Variants in PRKG1 observed in about 807,000 individuals in gnomAD.
PRKG1 encodes cGMP-dependent protein kinase 1.
In PRKG1, 35 loss-of-function variants were observed where a neutral mutation model predicts 88.1. The ratio of observed to expected loss-of-function variants is 0.40; its 90% confidence interval spans 0.30 to 0.53. The LOEUF is 0.53. Among genes scored for constraint, PRKG1 ranks in the 20% least tolerant of loss-of-function variants. The pLI is 0.59. For missense variants in PRKG1, 540 were observed against 839.8 expected (o/e 0.64, Z 4.41); for synonymous variants, 303 against 292.5 (o/e 1.04, Z -0.37).
At chr10:51,949,170 A>G (rs914403136) in intron 5 of PRKG1, among the ~76,000 whole-genome samples, 5 of 152,184 alleles carry the variant, frequency 3.3e-5, no homozygotes, top group Non-Finnish European at 7.3e-5. Flanking sequence ...AACACTTAAG[A>G]AATATTTAAC....
At chr10:52,078,690 C>A (rs1176181021) in intron 7 of PRKG1, among the ~76,000 whole-genome samples, 1 of 152,218 alleles carries the variant, frequency 6.6e-6, no homozygotes, top group Non-Finnish European at 1.5e-5. Context: ...TCACTAGCAA[C>A]AACAATTTCA....
chr10:52,192,802 CTTATA>C (rs1337786332), intron 9 of PRKG1, among the ~76,000 whole-genome samples: 1 of 151,904 alleles, frequency 6.6e-6, no homozygotes, highest in Non-Finnish European at 1.5e-5. Context: ...AAATTCCTTT[CTTATA>C]TTAGAATTTA....
intron 2 of PRKG1, among the ~76,000 whole-genome samples, chr10:51,415,910 AGTGTGT>A (rs71459419): frequency 9.2e-4 from 136 of 147,224 alleles, no homozygotes; most frequent in Middle Eastern, 3.5e-3. Flanking sequence ...TAGAGCTTCC[AGTGTGT>A]GTGTGTGTGT....
intron 5 of PRKG1, among the ~76,000 whole-genome samples, chr10:51,989,123 G>A (rs1213548188): frequency 1.3e-5 from 2 of 152,084 alleles, no homozygotes; most frequent in Non-Finnish European, 2.9e-5. Flanking sequence ...TGAAGATGCA[G>A]AGGTGAGAGA....
chr10:51,099,202 T>A (rs149455668), intron 1 of PRKG1, among the ~76,000 whole-genome samples: 137 of 152,190 alleles, frequency 9.0e-4, no homozygotes, highest in African/African-American at 3.1e-3. Context: ...TATAGTAGCC[T>A]CATACCAACA....
At chr10:51,823,240 G>A (rs1040764474) in intron 4 of PRKG1, among the ~76,000 whole-genome samples, 1 of 151,948 alleles carries the variant, frequency 6.6e-6, no homozygotes, top group Admixed American at 6.6e-5. Context: ...TAAAATGAGG[G>A]CAGATAAACA....
chr10:52,105,456 A>G (rs778479770), intron 7 of PRKG1, among the ~76,000 whole-genome samples: 1 of 152,184 alleles, frequency 6.6e-6, no homozygotes, highest in Non-Finnish European at 1.5e-5. Flanking sequence ...TTAAGGCATC[A>G]TGTTGCTAAA....
chr10:52,172,955 A>G (rs1002746139), intron 9 of PRKG1, among the ~76,000 whole-genome samples: 2 of 152,216 alleles, frequency 1.3e-5, no homozygotes, highest in Non-Finnish European at 2.9e-5. Flanking sequence ...CAATCTTGAA[A>G]TCCTTTCTAA....
Position 52,251,593 on chromosome 10 carries a change from T to C in PRKG1, c.1100T>C (p.Phe367Ser). The C allele has an allele frequency of 1.2e-6, 2 of 1,613,638 alleles. No individual in the cohort carries two copies. Among genetic ancestry groups the C allele is most frequent in the Non-Finnish European group, 1.7e-6 (2 of 1,179,646 alleles). ...AGATATGAAGCTGAAGCGGCTTTCT[T>C]CGCCAACCTGAAGCTGTCTGATTTC... ...KAKYEAEAAF[F>S]ANLKLSDFNI... is the part of the protein sequence containing the mutation. The change falls in exon 10 of 18, where the codon TTC becomes TCC. Residue 367 changes from phenylalanine to serine, a missense_variant. Around this residue, in one of 5 missense-constraint regions of PRKG1, gnomAD observed 400 missense variants for 562.7 expected, o/e 0.71. Coordinates refer to ENST00000373980, the MANE Select transcript of PRKG1 (RefSeq NM_006258.4).
At chr10:52,179,914 C>T (rs1172785822) in intron 9 of PRKG1, among the ~76,000 whole-genome samples, 1 of 152,158 alleles carries the variant, frequency 6.6e-6, no homozygotes, top group African/African-American at 2.4e-5. Flanking sequence ...GTCTCAAACT[C>T]CTGATTTCGT....
chr10:51,851,497 G>C (rs1033904682), intron 4 of PRKG1, among the ~76,000 whole-genome samples: 1 of 152,188 alleles, frequency 6.6e-6, no homozygotes. Context: ...GCTTCCCTAT[G>C]GGGAAGTAGG....
At chr10:51,825,861 C>T (rs1839869414) in intron 4 of PRKG1, among the ~76,000 whole-genome samples, 2 of 152,076 alleles carry the variant, frequency 1.3e-5, no homozygotes, top group South Asian at 2.1e-4. Flanking sequence ...CCGTCTCATC[C>T]CTAAAATCTC....
At chr10:51,153,033 A>G (rs921866642) in intron 1 of PRKG1, 131 bp from the exon 2 acceptor site, 2 of 586,854 alleles carry the variant, frequency 3.4e-6, no homozygotes, top group Non-Finnish European at 5.1e-6. Flanking sequence ...CCAGTCTTCC[A>G]GAAAATTATT....
rs535606737 is a variant in PRKG1 at position 51,007,001 on chromosome 10, C to G, written c.266+15357C>G. 2.1e-5 allele frequency among the ~76,000 whole-genome samples: 3 copies of G among 143,426 alleles called. No individual in the cohort carries two copies. The South Asian group carries it at 6.6e-4, about 31-fold the overall frequency. The allele number at this position is 143,426 out of a possible 152,430, so 94.1% of individuals were successfully genotyped here. On this transcript the variant is annotated intron_variant, in intron 1 of 17. Coordinates refer to the PRKG1 transcript ENST00000401604. ...TCACCCAGGCTGGAGTGCAGTGGTA[C>G]GATCTCAGCTCACTGCAACTTCTGC...
At chr10:51,249,818 G>T (rs1839384260) in intron 2 of PRKG1, among the ~76,000 whole-genome samples, 1 of 151,802 alleles carries the variant, frequency 6.6e-6, no homozygotes, top group Non-Finnish European at 1.5e-5. Context: ...CTATCATTGT[G>T]AAGTGTGCAT....
chr10:51,405,994 G>A (rs771981189), intron 2 of PRKG1, among the ~76,000 whole-genome samples: 2 of 152,150 alleles, frequency 1.3e-5, no homozygotes, highest in Non-Finnish European at 2.9e-5. Flanking sequence ...CATGCTGTTT[G>A]TTCCTTTCTC....
intron 9 of PRKG1, among the ~76,000 whole-genome samples, chr10:52,188,004 T>C (rs75411997): frequency 2.0e-5 from 3 of 152,022 alleles, no homozygotes; most frequent in South Asian, 4.1e-4. Context: ...GCTGGAGTTA[T>C]TGTAAAACAG....
At chr10:52,153,896 C>A (rs1400460617) in intron 8 of PRKG1, among the ~76,000 whole-genome samples, 1 of 152,012 alleles carries the variant, frequency 6.6e-6, no homozygotes, top group African/African-American at 2.4e-5. Context: ...CAGGCATGGA[C>A]TACCATGCCT....
chr10:51,562,023 G>C (rs574891116), intron 3 of PRKG1, among the ~76,000 whole-genome samples: 1 of 152,120 alleles, frequency 6.6e-6, no homozygotes, highest in East Asian at 1.9e-4. Flanking sequence ...AGGAGTTCGA[G>C]ACCAGCCTGG....
Sources: gnomAD v4.1 joint callset for allele counts (sites outside exome capture counted in the v4.1 genomes callset) on GRCh38, gnomAD v4.1.1 for gene constraint, gnomAD v4.1.1 regional missense constraint, MANE v1.5 for transcripts, NCBI Gene and HGNC (gene_info 2026-07-23, HGNC 2026-07-21) for gene names.